TBC1D4: variants seen among roughly 807,000 people sequenced by gnomAD.
TBC1D4 encodes TBC (Tre-2, BUB2, CDC16) domain-containing protein.
TBC1D4 carries 121 observed loss-of-function variants against 142.5 expected under a neutral mutation model. The observed-to-expected ratio is 0.85, with a 90% CI of 0.73 to 0.99. The LOEUF is 0.99. Ranked by LOEUF, TBC1D4 falls within the 50% of genes least tolerant of loss-of-function variation. TBC1D4 has a pLI of 0.00. For synonymous variants in TBC1D4, 630 were observed against 628.2 expected (o/e 1.00, Z -0.04); for missense variants, 1,475 against 1,606.6 (o/e 0.92, Z 1.40).
At chr13:75,303,329 AT>A (rs1321976592) in intron 15 of TBC1D4, among the ~76,000 whole-genome samples, 3 of 152,180 alleles carry the variant, frequency 2.0e-5, no homozygotes, top group African/African-American at 7.2e-5. Context: ...AAAAAAAGAA[AT>A]AATATAAGTA....
At chr13:75,475,968 T>G (rs555392237) in intron 1 of TBC1D4, among the ~76,000 whole-genome samples, 5 of 152,236 alleles carry the variant, frequency 3.3e-5, no homozygotes, top group East Asian at 3.9e-4. Context: ...TCTGGCTGGG[T>G]GCAGAGGCTC....
Position 75,286,687 on chromosome 13 carries a change from G to C in TBC1D4, c.*105C>G. 1 of 1,120,038 alleles carries C rather than the reference G, an allele frequency of 8.9e-7. No homozygotes were observed. Among genetic ancestry groups the C allele is most frequent in the Non-Finnish European group, 1.3e-6 (1 of 755,520 alleles). The allele number at this position is 1,120,038 out of a possible 1,614,324, so 69.4% of individuals were successfully genotyped here. The stretch of plus-strand genomic sequence containing the variant: ...ACTAGGCGCTCAGCACCAGTATTAG[G>C]TGGTTCCATCAGCTTCAGGGTCCAG... On this transcript the variant is annotated 3_prime_UTR_variant, in exon 21 of 21. Coordinates refer to ENST00000377636, the MANE Select transcript of TBC1D4 (RefSeq NM_014832.5).
At chr13:75,449,094 C>G (rs1204124637) in intron 1 of TBC1D4, among the ~76,000 whole-genome samples, 1 of 151,794 alleles carries the variant, frequency 6.6e-6, no homozygotes, top group Non-Finnish European at 1.5e-5. Context: ...ATCAATCACA[C>G]TTACATTACC....
chr13:75,409,862 G>C (rs1461105551), intron 1 of TBC1D4, among the ~76,000 whole-genome samples: 2 of 152,284 alleles, frequency 1.3e-5, no homozygotes, highest in East Asian at 1.9e-4. Context: ...TAAGATACTA[G>C]TGTTAATTTA....
Position 75,387,099 on chromosome 13 carries a change from A to G in TBC1D4, c.499-24492T>C, listed in dbSNP as rs1884223860. On this transcript the variant is annotated intron_variant, in intron 1 of 20. Transcript: ENST00000377636. The stretch of plus-strand genomic sequence containing the variant: ...TATTAACTCACTTAATATAATCACA[A>G]ATAATTATATAATAAATATTTTATG... Among the ~76,000 whole-genome samples the G allele has an allele frequency of 2.6e-5, 4 of 152,026 alleles. No homozygotes were observed. The South Asian group carries it at 8.3e-4, about 31-fold the overall frequency.
At chr13:75,413,254 C>T (rs527581778) in intron 1 of TBC1D4, among the ~76,000 whole-genome samples, 2 of 152,050 alleles carry the variant, frequency 1.3e-5, no homozygotes, top group Non-Finnish European at 2.9e-5. Context: ...CTCCGTCTCC[C>T]GGGTTCAAGC....
chr13:75,402,871 T>C (rs1171276518), intron 1 of TBC1D4, among the ~76,000 whole-genome samples: 1 of 151,992 alleles, frequency 6.6e-6, no homozygotes, highest in East Asian at 1.9e-4. Context: ...AAAGCAAAAA[T>C]AGAGCTCACA....
At chr13:75,392,090 C>CT (rs1347130883) in intron 1 of TBC1D4, among the ~76,000 whole-genome samples, 5 of 152,132 alleles carry the variant, frequency 3.3e-5, no homozygotes, top group East Asian at 1.9e-4. Flanking sequence ...TAATATTGTA[C>CT]TTTTTTATCT....
chr13:75,362,037 T>C lies in TBC1D4; in HGVS notation c.1069A>G (p.Met357Val), dbSNP rs955702219. Residue 357 changes from methionine to valine, a missense_variant, in exon 2 of 21, where the codon ATG (methionine) becomes GTG (valine). Transcript: ENST00000377636. This position sits in a 1 kb window ranked among gnomAD's most constrained non-coding sequence, Gnocchi z 4.2. Reference sequence around the variant, plus strand: ...CCGATCAGGTGTACCTGGAAGAGCATGGTCCTGTTCTTCTCCGAGTCCGAG... The same window carrying C: ...CCGATCAGGTGTACCTGGAAGAGCACGGTCCTGTTCTTCTCCGAGTCCGAG... The part of the protein sequence containing the change: ...QPSDSEKNRT[M>V]LFQVGRFEIN... 2 of 1,614,010 alleles carry C rather than the reference T, an allele frequency of 1.2e-6. No homozygotes were observed. The highest frequency in any genetic ancestry group is 1.1e-5 in the South Asian group (1 of 91,084).
At chr13:75,390,311 A>G (rs1350945583) in intron 1 of TBC1D4, among the ~76,000 whole-genome samples, 1 of 151,798 alleles carries the variant, frequency 6.6e-6, no homozygotes, top group Non-Finnish European at 1.5e-5. Flanking sequence ...AAAGAAAAGA[A>G]AAGAAGTCAG....
At chr13:75,425,367 A>G (rs1886336078) in intron 1 of TBC1D4, among the ~76,000 whole-genome samples, 1 of 152,174 alleles carries the variant, frequency 6.6e-6, no homozygotes, top group South Asian at 2.1e-4. Context: ...AGGGAACCAC[A>G]CTATTGGCCA....
chr13:75,465,068 G>A (rs751903776), intron 1 of TBC1D4, among the ~76,000 whole-genome samples: 29 of 151,982 alleles, frequency 1.9e-4, no homozygotes, highest in Non-Finnish European at 3.5e-4. Context: ...CTCACTCCTC[G>A]CAACAGCCTT....
chr13:75,447,767 C>T (rs1887353698), intron 1 of TBC1D4, among the ~76,000 whole-genome samples: 2 of 152,018 alleles, frequency 1.3e-5, no homozygotes, highest in Admixed American at 1.3e-4. Context: ...TCAGCAGCAG[C>T]ATTAGATTCT....
intron 1 of TBC1D4, chr13:75,367,048 T>C (rs1882954819): frequency 1.1e-6 from 1 of 918,610 alleles, no homozygotes. Flanking sequence ...TTGTATTTAT[T>C]AAAGTCCACG....
At chr13:75,370,649 G>A (rs757858942) in intron 1 of TBC1D4, among the ~76,000 whole-genome samples, 20 of 152,160 alleles carry the variant, frequency 1.3e-4, no homozygotes, top group Non-Finnish European at 2.5e-4. Flanking sequence ...AGCGACAATA[G>A]GACAGACTGC....
At chr13:75,332,379 A>G (rs931027731) in intron 8 of TBC1D4, among the ~76,000 whole-genome samples, 1 of 152,256 alleles carries the variant, frequency 6.6e-6, no homozygotes, top group Non-Finnish European at 1.5e-5. Flanking sequence ...CCAAGATCAT[A>G]AATATAAAAT....
chr13:75,378,606 T>C (rs1883649352), intron 1 of TBC1D4, among the ~76,000 whole-genome samples: 1 of 152,152 alleles, frequency 6.6e-6, no homozygotes, highest in Non-Finnish European at 1.5e-5. Context: ...ATCACAATGA[T>C]AGCTGTGTAG....
intron 1 of TBC1D4, among the ~76,000 whole-genome samples, chr13:75,417,067 A>G (rs1885950393): frequency 6.6e-6 from 1 of 152,004 alleles, no homozygotes. Flanking sequence ...ATTCCACCCA[A>G]TATCTCTGGT....
At chr13:75,439,438 C>T (rs1402934983) in intron 1 of TBC1D4, among the ~76,000 whole-genome samples, 2 of 152,098 alleles carry the variant, frequency 1.3e-5, no homozygotes, top group African/African-American at 2.4e-5. Context: ...TATGTTCACT[C>T]GGAGATACTG....
Sources: gnomAD v4.1 joint callset for allele counts (sites outside exome capture counted in the v4.1 genomes callset) on GRCh38, gnomAD v4.1.1 for gene constraint, Gnocchi (gnomAD v3.1) non-coding constraint, MANE v1.5 for transcripts, NCBI Gene and HGNC (gene_info 2026-07-23, HGNC 2026-07-21) for gene names.